ANXA4: variants seen among roughly 807,000 people sequenced by gnomAD.
The protein encoded by ANXA4 is annexin A4, also known as 35-beta calcimedin.
A neutral mutation model predicts 49.8 loss-of-function variants in ANXA4; 39 were observed. That is an observed-to-expected ratio of 0.78 (90% CI 0.61 to 1.02). The LOEUF (loss-of-function observed/expected upper bound fraction) is 1.02. Ranked by LOEUF, ANXA4 falls within the 50% of genes least tolerant of loss-of-function variation. The pLI, the probability that ANXA4 is intolerant of heterozygous loss-of-function variation, is 0.00. For missense variants in ANXA4, 360 were observed against 410.1 expected (o/e 0.88, Z 1.05); for synonymous variants, 134 against 152.5 (o/e 0.88, Z 0.89).
At chr2:69,710,273 C>T (rs1284064126) in intron 2 of ANXA4, among the ~76,000 whole-genome samples, 1 of 151,682 alleles carries the variant, frequency 6.6e-6, no homozygotes, top group Non-Finnish European at 1.5e-5. Context: ...GTGTGAGCCA[C>T]CATGCCCGGC....
At chr2:69,687,162 T>G (rs1474605447) in intron 2 of ANXA4, among the ~76,000 whole-genome samples, 2 of 152,116 alleles carry the variant, frequency 1.3e-5, no homozygotes, top group African/African-American at 4.8e-5. Flanking sequence ...GGGCTCTAAT[T>G]GGTGGGTAGA....
chr2:69,788,150 C>T lies in ANXA4; in HGVS notation c.97+9C>T, dbSNP rs1311735999. 1 of 1,611,756 alleles carries T rather than the reference C, an allele frequency of 6.2e-7. No individual in the cohort carries two copies. On this transcript the variant is annotated intron_variant, in intron 3 of 12. Transcript: ENST00000394295. Reference sequence around the variant, plus strand: ...GGCCATGAAAGGGCTCGGTATGTGTCCTGCTGGAAGTGAATCCTCCTGCGT... The same window carrying T: ...GGCCATGAAAGGGCTCGGTATGTGTTCTGCTGGAAGTGAATCCTCCTGCGT...
At chr2:69,731,532 G>A (rs73935684) in intron 3 of ANXA4, among the ~76,000 whole-genome samples, 6,845 of 152,288 alleles carry the variant, frequency 0.045, 505 homozygotes, top group African/African-American at 0.15. Flanking sequence ...GAAAACAAAT[G>A]AGACCATGTT....
At chr2:69,781,622 G>T (rs1672203543) in intron 2 of ANXA4, 48 bp downstream of exon 2, 1 of 1,608,526 alleles carries the variant, frequency 6.2e-7, no homozygotes, top group African/African-American at 1.3e-5. Flanking sequence ...CTGCCAACAG[G>T]TACAGAATGT....
At chr2:69,753,356 T>G (rs1192340151) in intron 1 of ANXA4, among the ~76,000 whole-genome samples, 1 of 152,172 alleles carries the variant, frequency 6.6e-6, no homozygotes, top group Non-Finnish European at 1.5e-5. Flanking sequence ...TATTTAAACT[T>G]GATTAAATGA....
At chr2:69,684,251 C>T (rs1677702978) in intron 2 of ANXA4, among the ~76,000 whole-genome samples, 1 of 152,212 alleles carries the variant, frequency 6.6e-6, no homozygotes, top group Non-Finnish European at 1.5e-5. Flanking sequence ...GGTGTCACAA[C>T]TCATGAAAGG....
chr2:69,648,768 C>A (rs1385814608), intron 1 of ANXA4, among the ~76,000 whole-genome samples: 2 of 142,118 alleles, frequency 1.4e-5, no homozygotes, highest in African/African-American at 5.3e-5. Flanking sequence ...TTGCAGTGAG[C>A]CGAGAGTGCA....
intron 1 of ANXA4, among the ~76,000 whole-genome samples, chr2:69,774,469 G>A (rs1471112344): frequency 6.6e-6 from 1 of 151,296 alleles, no homozygotes; most frequent in African/African-American, 2.4e-5. Flanking sequence ...CTTCCGAGTA[G>A]CTGGGATTAC....
At chr2:69,716,550 G>T (rs1669639828) in intron 2 of ANXA4, among the ~76,000 whole-genome samples, 1 of 152,076 alleles carries the variant, frequency 6.6e-6, no homozygotes, top group African/African-American at 2.4e-5. Flanking sequence ...AAAATGTTTG[G>T]TCTTTATGTG....
intron 1 of ANXA4, among the ~76,000 whole-genome samples, chr2:69,774,606 C>T (rs576353860): frequency 9.2e-5 from 14 of 151,578 alleles, no homozygotes; most frequent in Admixed American, 8.5e-4. Flanking sequence ...TCCCAAAGTG[C>T]AGAGATTACA....
intron 1 of ANXA4, among the ~76,000 whole-genome samples, chr2:69,773,613 CTTTCCTTCT>C (rs1671825151): frequency 7.7e-6 from 1 of 130,280 alleles, no homozygotes; most frequent in Non-Finnish European, 1.6e-5. Context: ...CTTTTCTTTT[CTTTCCTTCT>C]TTTTTTTTTT....
At chr2:69,776,134 C>G (rs1323444539) in intron 1 of ANXA4, among the ~76,000 whole-genome samples, 1 of 151,904 alleles carries the variant, frequency 6.6e-6, no homozygotes, top group Admixed American at 6.6e-5. Flanking sequence ...ACCACCATGC[C>G]CAGCTTAATT....
chr2:69,814,751 T>G (rs893678334), intron 8 of ANXA4: 1 of 75,052 alleles, frequency 1.3e-5, no homozygotes, highest in Non-Finnish European at 2.3e-5. Flanking sequence ...GGGGTGTGTG[T>G]GTGTGTGTGT....
In ANXA4 at chr2:69,787,921, GTCACTACT is replaced by G. The variant is rs1261308847; in HGVS notation, c.10-132_10-125del. 1.5e-5 allele frequency: 11 copies of G among 710,930 alleles called. No homozygotes were observed. In the African/African-American group the frequency reaches 1.9e-4, roughly 13 times the overall value. 44.0% of individuals were successfully genotyped at this position (710,930 alleles called of 1,614,324 possible). A position where few individuals can be genotyped will look rare whatever the true frequency, so the allele number is the denominator to read the frequency against. ...GGGAGCAAGAGCTTAATTTTTCATG[GTCACTACT>G]GTACCCCTAGCACCTAGAATACCAT... On this transcript the variant is annotated intron_variant, in intron 2 of 12. Transcript: ENST00000394295.
intron 2 of ANXA4, among the ~76,000 whole-genome samples, chr2:69,673,339 G>A (rs1213763387): frequency 6.6e-6 from 1 of 152,104 alleles, no homozygotes; most frequent in African/African-American, 2.4e-5. Flanking sequence ...AAAAGGATGA[G>A]TTCATGTCCT....
intron 3 of ANXA4, among the ~76,000 whole-genome samples, chr2:69,732,454 C>T (rs977221094): frequency 9.9e-5 from 15 of 151,652 alleles, no homozygotes; most frequent in African/African-American, 3.4e-4. Context: ...TAGAGTTCAT[C>T]GAGTAAAGAG....
intron 2 of ANXA4, among the ~76,000 whole-genome samples, chr2:69,660,502 C>T (rs4452174): frequency 0.071 from 10,784 of 152,072 alleles, 1,119 homozygotes; most frequent in East Asian, 0.37. Context: ...AATCCTGAAA[C>T]ATTAGACTAA....
chr2:69,729,095 C>A (rs536088544), intron 3 of ANXA4, among the ~76,000 whole-genome samples: 2 of 152,330 alleles, frequency 1.3e-5, no homozygotes, highest in East Asian at 3.9e-4. Flanking sequence ...CTCACTGCAA[C>A]CTCCACCACC....
At chr2:69,728,909 A>G (rs1043100753) in intron 3 of ANXA4, among the ~76,000 whole-genome samples, 4 of 152,214 alleles carry the variant, frequency 2.6e-5, no homozygotes, top group African/African-American at 9.6e-5. Flanking sequence ...ACTCTTGATG[A>G]GATTTTTTGG....
Sources: gnomAD v4.1 joint callset for allele counts (sites outside exome capture counted in the v4.1 genomes callset) on GRCh38, gnomAD v4.1.1 for gene constraint, MANE v1.5 for transcripts, NCBI Gene and HGNC (gene_info 2026-07-23, HGNC 2026-07-21) for gene names.